NAV3: variants seen among roughly 807,000 people sequenced by gnomAD.
The protein encoded by NAV3 is pore membrane and/or filament interacting like protein 1.
Under a neutral mutation model 244.7 loss-of-function variants are expected in NAV3, and 87 were observed. That is an observed-to-expected ratio of 0.36 (90% confidence interval 0.30 to 0.42). NAV3 has a LOEUF of 0.42. Ranked by LOEUF, NAV3 falls within the 20% of genes least tolerant of loss-of-function variation. The probability of loss-of-function intolerance (pLI) is 1.00; values close to 1 mark genes in which losing one functional copy is unlikely to be tolerated. For missense variants in NAV3, 2,663 were observed against 2,893.3 expected (o/e 0.92, Z 1.83); for synonymous variants, 1,126 against 1,042.2 (o/e 1.08, Z -1.55).
intron 30 of NAV3, among the ~76,000 whole-genome samples, chr12:78,183,976 G>C (rs1958604589): frequency 6.6e-6 from 1 of 151,572 alleles, no homozygotes; most frequent in African/African-American, 2.4e-5. Flanking sequence ...TTTTTCCCTT[G>C]TTCTTCACTT....
chr12:77,614,229 G>A (rs756801709), intron 2 of NAV3, among the ~76,000 whole-genome samples: 9 of 151,612 alleles, frequency 5.9e-5, no homozygotes, highest in Non-Finnish European at 1.2e-4. Flanking sequence ...CAACCCTCCC[G>A]GTAGTGACAA....
intron 2 of NAV3, among the ~76,000 whole-genome samples, chr12:77,790,583 C>T (rs1207631776): frequency 6.6e-6 from 1 of 152,122 alleles, no homozygotes; most frequent in Non-Finnish European, 1.5e-5. Context: ...TGCAATCTGG[C>T]TTCATGGTTT....
intron 2 of NAV3, among the ~76,000 whole-genome samples, chr12:77,753,322 T>A (rs1449218392): frequency 6.6e-6 from 1 of 152,172 alleles, no homozygotes; most frequent in African/African-American, 2.4e-5. Context: ...TTTTTTCAAT[T>A]GAAATTTATG....
At chr12:78,132,963 A>G (rs1956225981) in intron 18 of NAV3, among the ~76,000 whole-genome samples, 1 of 152,160 alleles carries the variant, frequency 6.6e-6, no homozygotes, top group African/African-American at 2.4e-5. Flanking sequence ...GTACATTTTC[A>G]ATAGACAGGA....
chr12:77,668,597 A>G (rs1443028134), intron 2 of NAV3, among the ~76,000 whole-genome samples: 1 of 152,172 alleles, frequency 6.6e-6, no homozygotes, highest in Non-Finnish European at 1.5e-5. Flanking sequence ...AGAAAAAAGA[A>G]TAAAGAATAA....
intron 5 of NAV3, among the ~76,000 whole-genome samples, chr12:77,988,072 AG>A (rs1036142957): frequency 6.6e-6 from 1 of 152,198 alleles, no homozygotes; most frequent in African/African-American, 2.4e-5. Flanking sequence ...GTTTGACTTT[AG>A]AAACTGTGAG....
At chr12:78,112,975 G>A (rs998369300) in intron 12 of NAV3, among the ~76,000 whole-genome samples, 2 of 152,160 alleles carry the variant, frequency 1.3e-5, no homozygotes, top group African/African-American at 4.8e-5. Flanking sequence ...CAAACGGGAG[G>A]AATTGACCAA....
intron 2 of NAV3, among the ~76,000 whole-genome samples, chr12:77,736,422 C>A (rs535876516): frequency 1.3e-5 from 2 of 152,138 alleles, no homozygotes; most frequent in Admixed American, 1.3e-4. Flanking sequence ...GTTCTTATGT[C>A]GGTCTTGCTG....
upstream of NAV3, among the ~76,000 whole-genome samples, chr12:77,826,982 G>A (rs1873068923): frequency 6.6e-6 from 1 of 152,142 alleles, no homozygotes; most frequent in South Asian, 2.1e-4. Flanking sequence ...AGCACTTTGG[G>A]AGGCCAAGGC....
At chr12:77,593,323 G>A (rs1870000457) in intron 2 of NAV3, among the ~76,000 whole-genome samples, 1 of 151,532 alleles carries the variant, frequency 6.6e-6, no homozygotes, top group Non-Finnish European at 1.5e-5. Context: ...GGTTTAAACA[G>A]TATAAAGCTG....
chr12:77,804,270 T>C (rs1209573431), intron 2 of NAV3, among the ~76,000 whole-genome samples: 1 of 152,224 alleles, frequency 6.6e-6, no homozygotes, highest in Admixed American at 6.5e-5. Flanking sequence ...TCTAGGGTTT[T>C]TATCGTTTTA....
intron 1 of NAV3, among the ~76,000 whole-genome samples, chr12:77,852,118 T>A (rs1877620219): frequency 6.6e-6 from 1 of 152,184 alleles, no homozygotes; most frequent in South Asian, 2.1e-4. Context: ...ATAAATAAAA[T>A]GATGACTCTT....
intron 2 of NAV3, among the ~76,000 whole-genome samples, chr12:77,752,280 A>G (rs546914251): frequency 6.6e-6 from 1 of 152,276 alleles, no homozygotes; most frequent in Admixed American, 6.5e-5. Flanking sequence ...CTCTGTTTTG[A>G]CATGGAAGCT....
chr12:78,018,328 A>G (rs1369319005), intron 8 of NAV3, among the ~76,000 whole-genome samples: 1 of 152,172 alleles, frequency 6.6e-6, no homozygotes, highest in African/African-American at 2.4e-5. Context: ...AGACAGGGGG[A>G]ATGGGAACTT....
Position 77,883,888 on chromosome 12 carries a change from T to G in NAV3, c.243+52184T>G, listed in dbSNP as rs117618581. Among the ~76,000 whole-genome samples, 1,093 of 152,214 alleles carry G rather than the reference T, an allele frequency of 7.2e-3. 9 individuals are homozygous for G. The highest frequency in any genetic ancestry group is 0.014 in the Middle Eastern group (4 of 294). On this transcript the variant is annotated intron_variant, in intron 1 of 39. Transcript: ENST00000397909. ...ATGGAAATCTTTCCTAGAAAAAATG[T>G]GATTGTATTTTCCTGACATTATTTT... is the stretch of plus-strand genomic sequence containing the variant.
intron 1 of NAV3, among the ~76,000 whole-genome samples, chr12:77,921,674 G>T (rs1474209324): frequency 6.6e-6 from 1 of 152,018 alleles, no homozygotes; most frequent in East Asian, 1.9e-4. Flanking sequence ...GAAATGATAG[G>T]GTTAAAATGA....
At chr12:78,162,912 ATTATAT>A (rs1957619586) in intron 23 of NAV3, among the ~76,000 whole-genome samples, 1 of 130,098 alleles carries the variant, frequency 7.7e-6, no homozygotes, top group African/African-American at 2.6e-5. Context: ...AAATATATAT[ATTATAT>A]AATATATATA....
chr12:77,665,381 C>G (rs1873669451), intron 2 of NAV3, among the ~76,000 whole-genome samples: 1 of 152,024 alleles, frequency 6.6e-6, no homozygotes. Context: ...TTCTTATTTC[C>G]TTTTCTCTTT....
At chr12:77,976,662 C>CTTTTTTTTTTTTTTTTTTTTTTTTT (rs869100684) in intron 5 of NAV3, among the ~76,000 whole-genome samples, 1 of 77,398 alleles carries the variant, frequency 1.3e-5, no homozygotes, top group Non-Finnish European at 2.5e-5. Context: ...TTCTTTCTTT[C>CTTTTTTTTTTTTTTTTTTTTTTTTT]TTTCTTTTTT....
Sources: gnomAD v4.1 joint callset for allele counts (sites outside exome capture counted in the v4.1 genomes callset) on GRCh38, gnomAD v4.1.1 for gene constraint, MANE v1.5 for transcripts, NCBI Gene and HGNC (gene_info 2026-07-23, HGNC 2026-07-21) for gene names.